NCOR2: variants seen among roughly 807,000 people sequenced by gnomAD.
The protein encoded by NCOR2 is nuclear receptor corepressor 2, also known as CTG repeat protein 26.
NCOR2 carries 81 observed loss-of-function variants against 262.9 expected under a neutral mutation model. The ratio of observed to expected loss-of-function variants is 0.31; its 90% CI spans 0.26 to 0.37. The LOEUF is 0.37. Ranked by LOEUF, NCOR2 falls within the 10% of genes least tolerant of loss-of-function variation. NCOR2 has a pLI of 1.00. For synonymous variants in NCOR2, 1,659 were observed against 1,559.3 expected, an observed-to-expected ratio of 1.06 and a Z score of -1.51; for missense variants, 3,385 against 3,621.4, an observed-to-expected ratio of 0.93 and a Z score of 1.68.
At chr12:124,388,227 C>A (rs2136128026) in intron 16 of NCOR2, among the ~76,000 whole-genome samples, 1 of 152,284 alleles carries the variant, frequency 6.6e-6, no homozygotes, top group South Asian at 2.1e-4. Flanking sequence ...CCTTAACTGC[C>A]GTGTGAGGAG....
At chr12:124,339,775 A>G (rs1225321302) in intron 37 of NCOR2, among the ~76,000 whole-genome samples, 2 of 88,872 alleles carry the variant, frequency 2.3e-5, no homozygotes, top group Non-Finnish European at 4.3e-5. Context: ...CCCCCCATCC[A>G]TCCATCCATC....
At chr12:124,484,592 C>T (rs2047676148) in intron 2 of NCOR2, among the ~76,000 whole-genome samples, 1 of 152,216 alleles carries the variant, frequency 6.6e-6, no homozygotes, top group Admixed American at 6.5e-5. Context: ...CTGGCCCTCG[C>T]TGTCCCGCCA....
chr12:124,519,114 A>ACACACACACG (rs2050027632), intron 1 of NCOR2, among the ~76,000 whole-genome samples: 1 of 151,158 alleles, frequency 6.6e-6, no homozygotes, highest in Non-Finnish European at 1.5e-5. Flanking sequence ...ACACACACAC[A>ACACACACACG]CACACACACA....
At chr12:124,543,657 G>A (rs1343767336) in intron 1 of NCOR2, among the ~76,000 whole-genome samples, 3 of 152,234 alleles carry the variant, frequency 2.0e-5, no homozygotes, top group Non-Finnish European at 4.4e-5. Context: ...GCAATTAGAG[G>A]CCAGGAAGGA....
chr12:124,373,726 C>T (rs111811867), intron 19 of NCOR2, among the ~76,000 whole-genome samples: 445 of 24,448 alleles, frequency 0.018, 8 homozygotes, highest in South Asian at 0.051. Flanking sequence ...CCAGTGCGTG[C>T]GCAGGGGCCC....
At chr12:124,439,315 C>A (rs2044661052) in intron 7 of NCOR2, among the ~76,000 whole-genome samples, 1 of 108,174 alleles carries the variant, frequency 9.2e-6, no homozygotes. Flanking sequence ...AGACAGAGAC[C>A]CAGAGACAGA....
chr12:124,364,270 A>G (rs561667859), intron 20 of NCOR2, among the ~76,000 whole-genome samples: 1 of 152,236 alleles, frequency 6.6e-6, no homozygotes, highest in South Asian at 2.1e-4. Context: ...AGAGAAATGA[A>G]GAGATTCACC....
chr12:124,335,531 C>T, exon 39 of NCOR2: 2 of 1,609,190 alleles, frequency 1.2e-6, no homozygotes, highest in Non-Finnish European at 1.7e-6. Context: ...TTGTCGAGCT[C>T]TTCCAGGTGC....
At chr12:124,393,665 T>C (rs2041466690) in intron 16 of NCOR2, among the ~76,000 whole-genome samples, 1 of 152,210 alleles carries the variant, frequency 6.6e-6, no homozygotes, top group South Asian at 2.1e-4. Context: ...CCATTCCTAC[T>C]CTGCAAGTAG....
intron 20 of NCOR2, among the ~76,000 whole-genome samples, chr12:124,370,626 C>T (rs1288314559): frequency 6.6e-6 from 1 of 152,250 alleles, no homozygotes; most frequent in Non-Finnish European, 1.5e-5. Context: ...CTCCGCGGGT[C>T]TGCCCTCTGC....
intron 13 of NCOR2, among the ~76,000 whole-genome samples, chr12:124,410,860 A>G (rs1429936833): frequency 6.6e-6 from 1 of 152,262 alleles, no homozygotes; most frequent in Non-Finnish European, 1.5e-5. Context: ...TGCCACAGCA[A>G]GGGGAACAAG....
Position 124,566,789 on chromosome 12 carries a change from A to G in NCOR2, c.-165+519T>C, listed in dbSNP as rs1315357535. On this transcript the variant is annotated intron_variant, in intron 1 of 32. Coordinates refer to the NCOR2 transcript ENST00000458234. This position sits in a 1 kb window ranked among gnomAD's most constrained non-coding sequence, Gnocchi z 4.3. ...CCCAGCGCCCCGTGGCCCCACGCCTAGGAGGGACAAGGCTGGCTCTCCCCC... is the reference window on the plus strand; with the variant it reads ...CCCAGCGCCCCGTGGCCCCACGCCTGGGAGGGACAAGGCTGGCTCTCCCCC... 6.6e-6 allele frequency among the ~76,000 whole-genome samples: 1 copy of G among 152,112 alleles called. No individual in the cohort carries two copies. Among genetic ancestry groups the G allele is most frequent in the Non-Finnish European group, 1.5e-5 (1 of 68,004 alleles).
intron 7 of NCOR2, among the ~76,000 whole-genome samples, chr12:124,439,639 T>C (rs532210177): frequency 3.3e-4 from 50 of 149,784 alleles, no homozygotes; most frequent in Admixed American, 2.0e-4. Flanking sequence ...CGGAGATAGA[T>C]AGACAGATGA....
At chr12:124,352,516 G>C (rs994368701) in intron 27 of NCOR2, among the ~76,000 whole-genome samples, 2 of 152,076 alleles carry the variant, frequency 1.3e-5, no homozygotes, top group Non-Finnish European at 2.9e-5. Context: ...GAGACTACAG[G>C]TATGTGCCAC....
At chr12:124,502,210 A>G (rs1234496107) in intron 1 of NCOR2, among the ~76,000 whole-genome samples, 3 of 152,200 alleles carry the variant, frequency 2.0e-5, no homozygotes, top group South Asian at 2.1e-4. Flanking sequence ...CCCACAGCCA[A>G]TGAGGAAGGG....
chr12:124,411,469 C>T (rs893966990), intron 13 of NCOR2, among the ~76,000 whole-genome samples: 5 of 152,166 alleles, frequency 3.3e-5, no homozygotes, highest in African/African-American at 1.2e-4. Context: ...CGGGCTGTTC[C>T]CGTCTCAGTG....
chr12:124,514,650 C>T (rs2049607123), intron 1 of NCOR2: 1 of 152,062 alleles, frequency 6.6e-6, no homozygotes, highest in South Asian at 2.1e-4. Flanking sequence ...AGTTCAAGAC[C>T]AGCCTGGCTA....
At chr12:124,391,278 C>T (rs1284158975) in intron 16 of NCOR2, among the ~76,000 whole-genome samples, 1 of 152,198 alleles carries the variant, frequency 6.6e-6, no homozygotes. Flanking sequence ...TCGCTCTCCC[C>T]ACCCCAGCCA....
chr12:124,425,012 C>T (rs748127877), intron 11 of NCOR2, among the ~76,000 whole-genome samples: 3 of 152,244 alleles, frequency 2.0e-5, no homozygotes, highest in African/African-American at 7.2e-5. Flanking sequence ...GTCCAACCCA[C>T]AGGCCACATG....
Sources: gnomAD v4.1 joint callset for allele counts (sites outside exome capture counted in the v4.1 genomes callset) on GRCh38, gnomAD v4.1.1 for gene constraint, Gnocchi (gnomAD v3.1) non-coding constraint, MANE v1.5 for transcripts, NCBI Gene and HGNC (gene_info 2026-07-23, HGNC 2026-07-21) for gene names.